Variants in KLF12 observed in about 807,000 individuals in gnomAD.
KLF12 encodes KLF transcription factor 12, also known as Krueppel-like factor 12.
Under a neutral mutation model 37.8 loss-of-function variants are expected in KLF12, and 9 were observed. The ratio of observed to expected loss-of-function variants is 0.24; its 90% CI spans 0.14 to 0.42. The LOEUF (loss-of-function observed/expected upper bound fraction) is 0.42. Among genes scored for constraint, KLF12 ranks in the 10% least tolerant of loss-of-function variants. The probability of loss-of-function intolerance (pLI) is 1.00; values close to 1 mark genes in which losing one functional copy is unlikely to be tolerated. For synonymous variants in KLF12, 208 were observed against 202.1 expected (o/e 1.03, Z -0.25); for missense variants, 411 against 516.0 (o/e 0.80, Z 1.97).
At chr13:74,062,851 C>A (rs1327527798) in intron 1 of KLF12, among the ~76,000 whole-genome samples, 1 of 152,158 alleles carries the variant, frequency 6.6e-6, no homozygotes, top group East Asian at 1.9e-4. Flanking sequence ...TTTTCCTAAC[C>A]CACAGGAACC....
At chr13:74,255,611 G>C in the KLF12 span, among the ~76,000 whole-genome samples, 1 of 152,104 alleles carries the variant, frequency 6.6e-6, no homozygotes, top group East Asian at 1.9e-4. Flanking sequence ...ACAGTTATTT[G>C]TAGCTTCTAT....
chr13:73,956,171 G>A (rs1280817902), intron 2 of KLF12, among the ~76,000 whole-genome samples: 1 of 152,120 alleles, frequency 6.6e-6, no homozygotes, highest in Non-Finnish European at 1.5e-5. Context: ...CTCAGGCCTT[G>A]TTACTTCCTG....
the KLF12 span, among the ~76,000 whole-genome samples, chr13:74,185,328 A>G: frequency 6.6e-6 from 1 of 152,224 alleles, no homozygotes; most frequent in Non-Finnish European, 1.5e-5. Context: ...TTTAGAAATC[A>G]TAGAGGCCTC....
chr13:74,068,538 T>C (rs1874046237), intron 1 of KLF12, among the ~76,000 whole-genome samples: 1 of 149,996 alleles, frequency 6.7e-6, no homozygotes, highest in Non-Finnish European at 1.5e-5. Flanking sequence ...TTACGTGTTA[T>C]GTTCAAATAA....
At chr13:74,053,642 C>T (rs1257336412) in intron 1 of KLF12, among the ~76,000 whole-genome samples, 1 of 152,124 alleles carries the variant, frequency 6.6e-6, no homozygotes, top group Non-Finnish European at 1.5e-5. Flanking sequence ...CAGAATAATG[C>T]TTTGCAAAGG....
chr13:74,021,658 G>GCTA (rs1464454895), intron 1 of KLF12, among the ~76,000 whole-genome samples: 2 of 152,122 alleles, frequency 1.3e-5, no homozygotes, highest in African/African-American at 4.8e-5. Flanking sequence ...AAGGAAGTCA[G>GCTA]CAAATGCTAC....
At chr13:74,039,822 C>T (rs1893353781) in intron 1 of KLF12, among the ~76,000 whole-genome samples, 1 of 152,258 alleles carries the variant, frequency 6.6e-6, no homozygotes, top group South Asian at 2.1e-4. Flanking sequence ...GATGGTAATG[C>T]TGACTCCACT....
In KLF12 at chr13:73,873,238, TTATAG is replaced by T. The variant is rs540326000; in HGVS notation, c.124-26870_124-26866del. Among the ~76,000 whole-genome samples the T allele has an allele frequency of 2.3e-4, 35 of 152,248 alleles. 2 individuals carry two copies. The South Asian group carries it at 7.3e-3, about 32-fold the overall frequency. ...TTCAATAAGAATTCAGAGAAATCAC[TTATAG>T]TAAACTCAACCTTTATTTTTAATAA... On this transcript the variant is annotated intron_variant, in intron 3 of 7. Coordinates refer to ENST00000377669, the MANE Select transcript of KLF12 (RefSeq NM_007249.5).
chr13:74,278,805 T>C, the KLF12 span, among the ~76,000 whole-genome samples: 1 of 152,224 alleles, frequency 6.6e-6, no homozygotes, highest in Non-Finnish European at 1.5e-5. Context: ...TCTATTAGTT[T>C]CAGGCCTCAG....
chr13:74,013,977 G>C (rs1892617989), intron 1 of KLF12, among the ~76,000 whole-genome samples: 1 of 151,960 alleles, frequency 6.6e-6, no homozygotes, highest in Non-Finnish European at 1.5e-5. Context: ...CCCACAGCTG[G>C]CCAACAGCAG....
At chr13:73,725,195 G>T (rs367836346) in intron 6 of KLF12, among the ~76,000 whole-genome samples, 4 of 152,050 alleles carry the variant, frequency 2.6e-5, no homozygotes, top group African/African-American at 9.7e-5. Flanking sequence ...CCACCTCCTG[G>T]GTTCAAGCTA....
chr13:74,185,383 C>T, the KLF12 span, among the ~76,000 whole-genome samples: 2,488 of 152,242 alleles, frequency 0.016, 72 homozygotes, highest in African/African-American at 0.053. Context: ...CTGCCACATA[C>T]GGTAACTCGT....
chr13:73,918,637 C>T (rs1296906165), intron 3 of KLF12, among the ~76,000 whole-genome samples: 1 of 152,138 alleles, frequency 6.6e-6, no homozygotes. Flanking sequence ...AATACAAAGA[C>T]AACATTTAGA....
chr13:74,218,815 T>G, the KLF12 span, among the ~76,000 whole-genome samples: 7 of 152,190 alleles, frequency 4.6e-5, no homozygotes, highest in African/African-American at 1.7e-4. Context: ...TCTTAAAAGC[T>G]TTTGTTTTTC....
chr13:74,097,405 A>T (rs1290521851), intron 1 of KLF12, among the ~76,000 whole-genome samples: 1 of 152,176 alleles, frequency 6.6e-6, no homozygotes, highest in Non-Finnish European at 1.5e-5. Context: ...TCATATCAAC[A>T]ATCAAATACA....
rs540425093 is a variant in KLF12, at chr13:73,928,971, C to T, written c.123+15010G>A. 4.6e-5 allele frequency among the ~76,000 whole-genome samples: 7 copies of T among 152,322 alleles called. No individual in the cohort carries two copies. The South Asian group carries it at 8.3e-4, about 18-fold the overall frequency. On this transcript the variant is annotated intron_variant, in intron 3 of 7. Transcript: ENST00000377669. ...AAAATTCAATATTAGGATCACTCTC[C>T]AAGTAAACTGTGGGGCTCCTTCAAG...
chr13:73,792,030 T>C (rs76435405), intron 5 of KLF12, among the ~76,000 whole-genome samples: 114 of 152,336 alleles, frequency 7.5e-4, no homozygotes, highest in African/African-American at 2.5e-3. Context: ...TATGTTTATA[T>C]ACATAGTCAT....
intron 3 of KLF12, among the ~76,000 whole-genome samples, chr13:73,850,072 A>T (rs1217358008): frequency 6.6e-6 from 1 of 152,224 alleles, no homozygotes; most frequent in East Asian, 1.9e-4. Context: ...CATATTAAAT[A>T]ATTGCACAAA....
intron 4 of KLF12, among the ~76,000 whole-genome samples, chr13:73,835,694 C>CCAG (rs1884393220): frequency 1.3e-5 from 2 of 152,036 alleles, no homozygotes. Flanking sequence ...TTCAGCATGA[C>CCAG]TAGTATATAT....
Sources: gnomAD v4.1 joint callset for allele counts (sites outside exome capture counted in the v4.1 genomes callset) on GRCh38, gnomAD v4.1.1 for gene constraint, MANE v1.5 for transcripts, NCBI Gene and HGNC (gene_info 2026-07-23, HGNC 2026-07-21) for gene names.